MEF2C: variants seen among roughly 807,000 people sequenced by gnomAD.
MEF2C encodes myocyte enhancer factor 2C, also known as myocyte-specific enhancer factor 2C.
In MEF2C, 6 loss-of-function variants were observed where a neutral mutation model predicts 50.5. The ratio of observed to expected loss-of-function variants is 0.12; its 90% confidence interval spans 0.07 to 0.23. The LOEUF is 0.23. Among genes scored for constraint, MEF2C ranks in the 10% least tolerant of loss-of-function variants. The pLI, the probability that MEF2C is intolerant of heterozygous loss-of-function variation, is 1.00. For synonymous variants in MEF2C, 183 were observed against 228.0 expected (o/e 0.80, Z 1.78); for missense variants, 276 against 605.0 (o/e 0.46, Z 5.70).
chr5:88,885,101 T>C (rs1833934753), upstream of MEF2C, among the ~76,000 whole-genome samples: 1 of 152,242 alleles, frequency 6.6e-6, no homozygotes, highest in Non-Finnish European at 1.5e-5. Context: ...TTCCTCACTT[T>C]AGAAAATTCC....
At chr5:88,872,450 C>A (rs1265697540) in intron 1 of MEF2C, among the ~76,000 whole-genome samples, 1 of 151,814 alleles carries the variant, frequency 6.6e-6, no homozygotes, top group Non-Finnish European at 1.5e-5. Context: ...TTGAACTTAG[C>A]AATCATTAGA....
intron 3 of MEF2C, among the ~76,000 whole-genome samples, chr5:88,774,688 C>G (rs1239792350): frequency 6.6e-6 from 1 of 152,170 alleles, no homozygotes; most frequent in African/African-American, 2.4e-5. Flanking sequence ...CATTACCACT[C>G]ACCTAATATG....
chr5:88,808,168 T>C (rs1310278339), intron 2 of MEF2C, among the ~76,000 whole-genome samples: 1 of 152,188 alleles, frequency 6.6e-6, no homozygotes, highest in Non-Finnish European at 1.5e-5. Flanking sequence ...CTAAATGTCT[T>C]TTAATATTTC....
intron 1 of MEF2C, among the ~76,000 whole-genome samples, chr5:88,890,726 G>A (rs1834443521): frequency 6.6e-6 from 1 of 152,200 alleles, no homozygotes. Context: ...CACTCTTGGA[G>A]TTTCTGTTAC....
At chr5:88,741,495 CTCCTTGGGCAAAAATTTTGG>C (rs1766765296) in intron 6 of MEF2C, 1 of 985,362 alleles carries the variant, frequency 1.0e-6, no homozygotes, top group Non-Finnish European at 1.2e-6. Context: ...TCCCAAACTA[CTCCTTGGGCAAAAATTTTGG>C]TCCATGGTTT....
chr5:88,803,875 A>C (rs1799333459), intron 3 of MEF2C, among the ~76,000 whole-genome samples: 1 of 152,222 alleles, frequency 6.6e-6, no homozygotes, highest in Non-Finnish European at 1.5e-5. Flanking sequence ...TTATGCTAAC[A>C]CATCTAAAAC....
chr5:88,735,369 A>T (rs1581466855), intron 6 of MEF2C: 1 of 985,214 alleles, frequency 1.0e-6, no homozygotes, highest in African/African-American at 1.7e-5. Context: ...TTTTAAAATT[A>T]CCCTCTGCCT....
Position 88,823,719 on chromosome 5 carries a change from AG to A in MEF2C, c.54+15del. On this transcript the variant is annotated intron_variant, in intron 2 of 10. Transcript: ENST00000504921. The stretch of plus-strand genomic sequence containing the variant: ...AATTAATAAATAATGATACAAAAAA[AG>A]TTTACTCCACTCACCTGTCTGTTAC... 6.3e-7 allele frequency: 1 copy of A among 1,591,776 alleles called. No homozygotes were observed. The highest frequency in any genetic ancestry group is 1.2e-5 in the South Asian group (1 of 86,322).
At chr5:88,787,499 A>G (rs1791547164) in intron 3 of MEF2C, among the ~76,000 whole-genome samples, 1 of 152,198 alleles carries the variant, frequency 6.6e-6, no homozygotes, top group Non-Finnish European at 1.5e-5. Context: ...CCGTTAGAGA[A>G]TGAGAGTGTG....
intron 1 of MEF2C, among the ~76,000 whole-genome samples, chr5:88,877,187 ACT>A (rs1330205804): frequency 6.6e-6 from 1 of 152,156 alleles, no homozygotes; most frequent in Admixed American, 6.6e-5. Context: ...TAATATGTTT[ACT>A]GTTTTTATTG....
chr5:88,877,554 TTTAA>T (rs978668660), intron 1 of MEF2C, among the ~76,000 whole-genome samples: 1 of 152,060 alleles, frequency 6.6e-6, no homozygotes, highest in African/African-American at 2.4e-5. Flanking sequence ...TAGAACATTC[TTTAA>T]TTATTTTTCT....
At chr5:88,839,808 C>G (rs1561284894) in intron 1 of MEF2C, among the ~76,000 whole-genome samples, 1 of 152,050 alleles carries the variant, frequency 6.6e-6, no homozygotes, top group Non-Finnish European at 1.5e-5. Context: ...CATAACAAAA[C>G]CTCTACCAAG....
At chr5:88,782,128 T>G in intron 3 of MEF2C, 4 of 975,348 alleles carry the variant, frequency 4.1e-6, no homozygotes, top group Non-Finnish European at 4.9e-6. Context: ...TTTATAAGAT[T>G]TTGATTTATG....
chr5:88,726,483 T>C (rs927592912), intron 10 of MEF2C, among the ~76,000 whole-genome samples: 8 of 152,058 alleles, frequency 5.3e-5, no homozygotes, highest in African/African-American at 1.9e-4. Flanking sequence ...AAAAAGCTAC[T>C]CTGTGTGTGA....
intron 3 of MEF2C, among the ~76,000 whole-genome samples, chr5:88,774,105 C>T (rs868076476): frequency 6.6e-6 from 1 of 152,256 alleles, no homozygotes; most frequent in Middle Eastern, 3.4e-3. Flanking sequence ...GCAGAAAGGC[C>T]GACTGGAAGT....
At chr5:88,848,019 G>A (rs1819934687) in intron 1 of MEF2C, among the ~76,000 whole-genome samples, 3 of 152,116 alleles carry the variant, frequency 2.0e-5, no homozygotes, top group Admixed American at 2.0e-4. Flanking sequence ...TACACAAAGT[G>A]CAAATAAACT....
intron 6 of MEF2C, chr5:88,737,684 G>A: frequency 1.0e-6 from 1 of 985,364 alleles, no homozygotes; most frequent in Middle Eastern, 5.2e-4. Flanking sequence ...CGGAGAGAAG[G>A]AATGCAGGAC....
chr5:88,795,308 C>T (rs181570222), intron 3 of MEF2C, among the ~76,000 whole-genome samples: 3 of 152,268 alleles, frequency 2.0e-5, no homozygotes, highest in East Asian at 1.9e-4. Flanking sequence ...TTTGTGTCCT[C>T]TCTTATTTCT....
At chr5:88,769,893 A>T in intron 3 of MEF2C, 1 of 898,504 alleles carries the variant, frequency 1.1e-6, no homozygotes, top group African/African-American at 1.8e-5. Context: ...TAATCCACCC[A>T]CCTAAGCCTC....
Sources: allele counts gnomAD v4.1 joint callset (sites outside exome capture counted in the v4.1 genomes callset), GRCh38; gene constraint gnomAD v4.1.1; transcripts MANE v1.5; gene names NCBI Gene and HGNC (gene_info 2026-07-23, HGNC 2026-07-21).